ZNF385B: variants seen among roughly 807,000 people sequenced by gnomAD.
ZNF385B encodes zinc finger protein 533.
Under a neutral mutation model 39.2 loss-of-function variants are expected in ZNF385B, and 23 were observed. The ratio of observed to expected loss-of-function variants is 0.59; its 90% CI spans 0.42 to 0.83. ZNF385B has a LOEUF of 0.83. Ranked by LOEUF, ZNF385B falls within the 40% of genes least tolerant of loss-of-function variation. The pLI, the probability that ZNF385B is intolerant of heterozygous loss-of-function variation, is 0.00. For missense variants in ZNF385B, 552 were observed against 598.9 expected (o/e 0.92, Z 0.82); for synonymous variants, 205 against 222.6 (o/e 0.92, Z 0.70).
At chr2:179,789,514 T>C (rs1028562652) in intron 1 of ZNF385B, among the ~76,000 whole-genome samples, 1 of 152,182 alleles carries the variant, frequency 6.6e-6, no homozygotes, top group African/African-American at 2.4e-5. Context: ...ATAGAGAAGA[T>C]GACAGGCAAG....
At chr2:179,609,591 C>G (rs1278746167) in intron 3 of ZNF385B, among the ~76,000 whole-genome samples, 3 of 152,138 alleles carry the variant, frequency 2.0e-5, no homozygotes, top group Non-Finnish European at 4.4e-5. Context: ...GGTTATATAC[C>G]TAGCAGTGGG....
chr2:179,604,964 T>C (rs1688682658), intron 3 of ZNF385B, among the ~76,000 whole-genome samples: 1 of 152,102 alleles, frequency 6.6e-6, no homozygotes, highest in Non-Finnish European at 1.5e-5. Flanking sequence ...TTTCCCACAT[T>C]GCAAATTTTA....
chr2:179,759,055 C>T (rs1703212661), intron 3 of ZNF385B, among the ~76,000 whole-genome samples: 2 of 152,178 alleles, frequency 1.3e-5, no homozygotes, highest in Admixed American at 6.5e-5. Context: ...AGATTTTGAG[C>T]ATTCTCTTCA....
intron 3 of ZNF385B, among the ~76,000 whole-genome samples, chr2:179,760,498 T>C (rs1027376546): frequency 4.6e-5 from 7 of 152,224 alleles, no homozygotes; most frequent in African/African-American, 1.7e-4. Flanking sequence ...AGTTGTTGCA[T>C]GTATCAAGGG....
At chr2:179,468,618 A>G (rs1204096047) in intron 6 of ZNF385B, among the ~76,000 whole-genome samples, 1 of 152,222 alleles carries the variant, frequency 6.6e-6, no homozygotes, top group Non-Finnish European at 1.5e-5. Flanking sequence ...TTCACAAGGT[A>G]CAAGTAAAAC....
chr2:179,691,851 A>T lies in ZNF385B; in HGVS notation c.298+77652T>A, dbSNP rs188475010. 2.5e-3 allele frequency among the ~76,000 whole-genome samples: 378 copies of T among 149,132 alleles called. 2 individuals are homozygous for T. The East Asian group carries it at 0.039, about 15-fold the overall frequency. ...TGTTTTTAAAATGTTTTATTTTTTT[A>T]AAAAAATATTTTTAAAATTATTATG... On this transcript the variant is annotated intron_variant, in intron 3 of 9. Transcript: ENST00000410066.
At chr2:179,853,872 AGAACT>A (rs1684372186) in intron 1 of ZNF385B, among the ~76,000 whole-genome samples, 1 of 152,198 alleles carries the variant, frequency 6.6e-6, no homozygotes, top group Admixed American at 6.5e-5. Context: ...ACTAATAAAT[AGAACT>A]GAAATTTGCA....
intron 3 of ZNF385B, among the ~76,000 whole-genome samples, chr2:179,632,253 T>A (rs1051831164): frequency 3.9e-5 from 6 of 152,202 alleles, no homozygotes; most frequent in African/African-American, 1.4e-4. Flanking sequence ...TATACATTCT[T>A]CTCAGCACCA....
chr2:179,530,866 A>AT (rs2059209379), intron 4 of ZNF385B, among the ~76,000 whole-genome samples: 1 of 152,182 alleles, frequency 6.6e-6, no homozygotes, highest in Non-Finnish European at 1.5e-5. Flanking sequence ...AATCTTAAAC[A>AT]TTTTGGGCCC....
At chr2:179,751,592 A>T (rs1219215760) in intron 3 of ZNF385B, among the ~76,000 whole-genome samples, 1 of 151,726 alleles carries the variant, frequency 6.6e-6, no homozygotes, top group African/African-American at 2.4e-5. Context: ...CCCAGAAGCC[A>T]TTTAATACCA....
At chr2:179,699,990 A>G (rs2106361842) in intron 3 of ZNF385B, among the ~76,000 whole-genome samples, 1 of 152,142 alleles carries the variant, frequency 6.6e-6, no homozygotes, top group Admixed American at 6.6e-5. Context: ...ACAATTCCCC[A>G]TTCCCTGCTC....
chr2:179,492,431 T>G (rs1351918209), intron 5 of ZNF385B, among the ~76,000 whole-genome samples: 1 of 152,206 alleles, frequency 6.6e-6, no homozygotes, highest in Non-Finnish European at 1.5e-5. Flanking sequence ...ACACATTAAT[T>G]TTTAATCAGT....
At chr2:179,531,493 G>T (rs2059249345) in intron 4 of ZNF385B, among the ~76,000 whole-genome samples, 1 of 151,934 alleles carries the variant, frequency 6.6e-6, no homozygotes, top group African/African-American at 2.4e-5. Flanking sequence ...AAAATCAGCT[G>T]GGTGTGGTGG....
chr2:179,577,681 C>T (rs1685996544), intron 3 of ZNF385B, among the ~76,000 whole-genome samples: 1 of 151,622 alleles, frequency 6.6e-6, no homozygotes, highest in South Asian at 2.1e-4. Context: ...TCGCTTTTTA[C>T]AAAAGTTTGG....
Position 179,683,959 on chromosome 2 carries a change from A to G in ZNF385B, c.298+85544T>C, listed in dbSNP as rs925440298. ...TTCCCTGATTCCCCAATTTCATCACATTTTAGCACTATTCTCATATTAATT... is the reference window on the plus strand; with the variant it reads ...TTCCCTGATTCCCCAATTTCATCACGTTTTAGCACTATTCTCATATTAATT... On this transcript the variant is annotated intron_variant, in intron 3 of 9. Transcript: ENST00000410066. 8.5e-5 allele frequency among the ~76,000 whole-genome samples: 13 copies of G among 152,196 alleles called. No individual in the cohort carries two copies. In the East Asian group the frequency reaches 2.5e-3, roughly 29 times the overall value.
intron 3 of ZNF385B, among the ~76,000 whole-genome samples, chr2:179,547,472 T>C (rs2060305565): frequency 6.7e-6 from 1 of 149,472 alleles, no homozygotes; most frequent in African/African-American, 2.5e-5. Context: ...TTGAAGAGAC[T>C]GTCCTTTCCT....
intron 3 of ZNF385B, among the ~76,000 whole-genome samples, chr2:179,716,845 T>C (rs575370031): frequency 5.3e-5 from 8 of 152,318 alleles, no homozygotes; most frequent in Non-Finnish European, 1.2e-4. Context: ...CTAGCCTGTA[T>C]GAAGAGACCA....
At chr2:179,567,337 G>A (rs562206999) in intron 3 of ZNF385B, among the ~76,000 whole-genome samples, 1 of 152,248 alleles carries the variant, frequency 6.6e-6, no homozygotes, top group South Asian at 2.1e-4. Flanking sequence ...TCTGTGGGGG[G>A]AAAAACAAAC....
chr2:179,766,943 G>A (rs73048507), intron 3 of ZNF385B, among the ~76,000 whole-genome samples: 12,442 of 139,030 alleles, frequency 0.089, 604 homozygotes, highest in Non-Finnish European at 0.13. Flanking sequence ...AAAGCCCCCC[G>A]CAGTCCACTC....
Sources: gnomAD v4.1 joint callset for allele counts (sites outside exome capture counted in the v4.1 genomes callset) on GRCh38, gnomAD v4.1.1 for gene constraint, MANE v1.5 for transcripts, NCBI Gene and HGNC (gene_info 2026-07-23, HGNC 2026-07-21) for gene names.